ADGRE2: variants seen among roughly 807,000 people sequenced by gnomAD.
ADGRE2 encodes adhesion G protein-coupled receptor E2, also known as CD97 antigen.
Under a neutral mutation model 100.8 loss-of-function variants are expected in ADGRE2, and 83 were observed. That is an observed-to-expected ratio of 0.82 (90% CI 0.69 to 0.99). ADGRE2 has a LOEUF of 0.99. Ranked by LOEUF, ADGRE2 falls within the 50% of genes least tolerant of loss-of-function variation. The pLI, the probability that ADGRE2 is intolerant of heterozygous loss-of-function variation, is 0.00. For synonymous variants in ADGRE2, 355 were observed against 413.0 expected (o/e 0.86, Z 1.70); for missense variants, 814 against 1,035.7 (o/e 0.79, Z 2.94).
chr19:14,741,851 A>G, intron 20 of ADGRE2: 1 of 394,028 alleles, frequency 2.5e-6, no homozygotes, highest in Non-Finnish European at 4.5e-6. Flanking sequence ...TGGGGTTAGA[A>G]TTACACATAT....
chr19:14,764,234 AGAT>A (rs900148901), intron 11 of ADGRE2, among the ~76,000 whole-genome samples, 196 bp downstream of exon 11: 6 of 34,646 alleles, frequency 1.7e-4, no homozygotes, highest in African/African-American at 6.0e-4. Flanking sequence ...CTAATTTAAA[AGAT>A]TTTTTTTTTT....
chr19:14,729,301 C>A, downstream of ADGRE2, among the ~76,000 whole-genome samples: 1 of 152,138 alleles, frequency 6.6e-6, no homozygotes, highest in East Asian at 1.9e-4. Context: ...AGCAGCATCC[C>A]TGGACTATTA....
intron 11 of ADGRE2, among the ~76,000 whole-genome samples, chr19:14,763,360 C>T (rs2043801167): frequency 6.6e-6 from 1 of 151,788 alleles, no homozygotes; most frequent in African/African-American, 2.4e-5. Flanking sequence ...CAAAACAAAA[C>T]AAAACAAAAC....
At chr19:14,759,581 C>G (rs1360554268) in intron 11 of ADGRE2, among the ~76,000 whole-genome samples, 1 of 148,698 alleles carries the variant, frequency 6.7e-6, no homozygotes, top group African/African-American at 2.5e-5. Flanking sequence ...ACTGCAGCCT[C>G]TGCCTCCTGG....
At chr19:14,761,844 A>G (rs910606702) in intron 11 of ADGRE2, among the ~76,000 whole-genome samples, 5 of 152,130 alleles carry the variant, frequency 3.3e-5, no homozygotes, top group African/African-American at 9.7e-5. Context: ...TTTGGGCCCT[A>G]TGTAAATTAG....
At chr19:14,768,491 A>G (rs1035857603) in intron 5 of ADGRE2, among the ~76,000 whole-genome samples, 2 of 152,184 alleles carry the variant, frequency 1.3e-5, no homozygotes, top group African/African-American at 4.8e-5. Flanking sequence ...TGTATCTGTC[A>G]TCTCATCTCT....
intron 20 of ADGRE2, among the ~76,000 whole-genome samples, chr19:14,740,617 G>A (rs113634690): frequency 0.42 from 49,411 of 117,270 alleles, 8,960 homozygotes; most frequent in South Asian, 0.65. Context: ...GCGAAACTCC[G>A]TCTCAAAAAA....
At chr19:14,728,230 T>C (rs1275343099), downstream of ADGRE2, among the ~76,000 whole-genome samples, 2 of 152,212 alleles carry the variant, frequency 1.3e-5, no homozygotes, top group South Asian at 2.1e-4. Context: ...AATTTTTTTT[T>C]CAGAATACTC....
intron 20 of ADGRE2, chr19:14,741,540 G>A (rs1352502781): frequency 4.3e-5 from 6 of 140,788 alleles, no homozygotes; most frequent in East Asian, 2.1e-4. Context: ...GCATTGGCGC[G>A]ATCTCGGCTC....
intron 5 of ADGRE2, among the ~76,000 whole-genome samples, chr19:14,768,539 G>C (rs2044076144): frequency 6.6e-6 from 1 of 152,144 alleles, no homozygotes. Context: ...TTTCTGAATG[G>C]TTCCACTCCC....
Position 14,743,498 on chromosome 19 carries a change from C to A in ADGRE2, c.2385G>T (p.Gly795=), listed in dbSNP as rs1444628621. ...VREQYGKWSK[G]IRKLKTESEM... ...CAGACTCAGTTTTCAATTTCCTGAT[C>A]CCTTTGGACCATTTCCCATATTGCT... Residue 795 remains glycine, a synonymous_variant, in exon 20 of 21, where the codon GGG becomes GGT. Coordinates refer to ENST00000315576, the MANE Select transcript of ADGRE2 (RefSeq NM_013447.4). 1.2e-6 allele frequency: 2 copies of A among 1,614,024 alleles called. No individual in the cohort carries two copies. Among genetic ancestry groups the A allele is most frequent in the African/African-American group, 1.3e-5 (1 of 74,900 alleles).
At chr19:14,753,370 G>A (rs566162475) in intron 14 of ADGRE2, among the ~76,000 whole-genome samples, 3 of 152,224 alleles carry the variant, frequency 2.0e-5, no homozygotes, top group East Asian at 3.9e-4. Flanking sequence ...GGGGCTGGGC[G>A]GTATGGCTTG....
intron 20 of ADGRE2, among the ~76,000 whole-genome samples, chr19:14,738,760 A>G (rs1365320233): frequency 1.3e-5 from 2 of 152,044 alleles, no homozygotes; most frequent in Admixed American, 6.6e-5. Flanking sequence ...TGTAATTTCT[A>G]TGGTTCGAGA....
chr19:14,748,226 C>T (rs774617007), intron 16 of ADGRE2, among the ~76,000 whole-genome samples: 5 of 152,118 alleles, frequency 3.3e-5, no homozygotes, highest in Non-Finnish European at 7.3e-5. Flanking sequence ...TGAGAACATG[C>T]GGTATTTGAT....
chr19:14,777,176 GC>G, intron 1 of ADGRE2: 1 of 826,002 alleles, frequency 1.2e-6, no homozygotes, highest in Non-Finnish European at 1.5e-6. Context: ...CTCGCCTGGG[GC>G]CACTTGGCTC....
At position 14,752,644 on chromosome 19, in the gene ADGRE2, A is replaced by C. The variant is rs2043336833; in HGVS notation, c.1591-118T>G. 2.3e-6 allele frequency: 3 copies of C among 1,282,668 alleles called. No homozygotes were observed. In the Admixed American group the frequency reaches 6.8e-5, roughly 29 times the overall value. 79.5% of individuals were successfully genotyped at this position (1,282,668 alleles called of 1,614,324 possible). ...CATTCAAGAATGAGGGAGCCAGGTAAATTTGTGAAGATGTCACCAATTTAA... is the reference window on the plus strand; with the variant it reads ...CATTCAAGAATGAGGGAGCCAGGTACATTTGTGAAGATGTCACCAATTTAA... On this transcript the variant is annotated intron_variant, in intron 14 of 20. Coordinates refer to ENST00000315576, the MANE Select transcript of ADGRE2 (RefSeq NM_013447.4).
intron 20 of ADGRE2, among the ~76,000 whole-genome samples, chr19:14,742,942 T>TAA (rs778859309): frequency 2.0e-5 from 3 of 150,268 alleles, no homozygotes; most frequent in African/African-American, 7.3e-5. Flanking sequence ...TTTTTTTTTT[T>TAA]AATTTTTGGG....
rs527459120 is a variant in ADGRE2, at chr19:14,751,075, A to G, written c.2024+361T>C. Among the ~76,000 whole-genome samples the G allele has an allele frequency of 2.0e-5, 3 of 152,244 alleles. No homozygotes were observed. In the East Asian group the frequency reaches 5.8e-4, roughly 29 times the overall value. On this transcript the variant is annotated intron_variant, in intron 16 of 20. Coordinates refer to ENST00000315576, the MANE Select transcript of ADGRE2 (RefSeq NM_013447.4). ...TGATCCTCCTGTGTCAGCCTCCCAA[A>G]GCACAGGGATTCCAGGTGCGAGCCA...
At chr19:14,729,290 G>C (rs551096497), downstream of ADGRE2, among the ~76,000 whole-genome samples, 7 of 152,126 alleles carry the variant, frequency 4.6e-5, no homozygotes, top group Non-Finnish European at 1.0e-4. Context: ...GAAGACTGTT[G>C]AGCAGCATCC....
Sources: gnomAD v4.1 joint callset for allele counts (sites outside exome capture counted in the v4.1 genomes callset) on GRCh38, gnomAD v4.1.1 for gene constraint, MANE v1.5 for transcripts, NCBI Gene and HGNC (gene_info 2026-07-23, HGNC 2026-07-21) for gene names.